SPEG: variants seen among roughly 807,000 people sequenced by gnomAD.
SPEG encodes striated muscle enriched protein kinase.
In SPEG, 114 loss-of-function variants were observed where a neutral mutation model predicts 300.4. The observed-to-expected ratio is 0.38, with a 90% CI of 0.33 to 0.44. SPEG has a LOEUF of 0.44. Ranked by LOEUF, SPEG falls within the 20% of genes least tolerant of loss-of-function variation. The pLI, the probability that SPEG is intolerant of heterozygous loss-of-function variation, is 1.00. For missense variants in SPEG, 4,201 were observed against 4,586.2 expected, an observed-to-expected ratio of 0.92 and a Z score of 2.43; for synonymous variants, 1,964 against 2,018.9, an observed-to-expected ratio of 0.97 and a Z score of 0.73.
chr2:219,489,025 C>T, intron 34 of SPEG, 29 bp from the exon 35 acceptor site: 1 of 1,611,732 alleles, frequency 6.2e-7, no homozygotes, highest in African/African-American at 1.3e-5. Context: ...GCTTCTGTGA[C>T]CTCAGCCCCT....
Position 219,492,589 on chromosome 2 carries a change from G to A in SPEG, c.9612-5G>A. 2 of 1,607,228 alleles carry A rather than the reference G, an allele frequency of 1.2e-6. No individual in the cohort carries two copies. Among genetic ancestry groups the A allele is most frequent in the Non-Finnish European group, 1.7e-6 (2 of 1,179,882 alleles). On this transcript the variant is annotated splice_polypyrimidine_tract_variant and splice_region_variant and intron_variant, in intron 40 of 40. Transcript: ENST00000312358. ...AGGTTCATCATCCCTGGCTCTGCCTGGCAGGAGCCGGCCCTCCCTGCAGGA... is the reference window on the plus strand; with the variant it reads ...AGGTTCATCATCCCTGGCTCTGCCTAGCAGGAGCCGGCCCTCCCTGCAGGA...
intron 31 of SPEG, 32 bp downstream of exon 31, chr2:219,485,509 C>T: frequency 1.3e-6 from 2 of 1,515,680 alleles, no homozygotes; most frequent in Non-Finnish European, 1.8e-6. Context: ...GAGGACCCTC[C>T]TCCCCTCCTG....
At chr2:219,490,301 A>T in intron 36 of SPEG, 108 bp from the exon 37 acceptor site, 2 of 1,441,150 alleles carry the variant, frequency 1.4e-6, no homozygotes, top group Non-Finnish European at 1.9e-6. Flanking sequence ...CACTGGAACC[A>T]CTGCATTCTT....
At chr2:219,440,111 G>C (rs1575031677) in intron 1 of SPEG, among the ~76,000 whole-genome samples, 1 of 152,220 alleles carries the variant, frequency 6.6e-6, no homozygotes, top group South Asian at 2.1e-4. Flanking sequence ...AGCCAGGTGC[G>C]GTGGCTCATG....
rs753305758 is a variant in SPEG, at chr2:219,490,489, C to T, written c.9002C>T (p.Ala3001Val). ...GTGGCCAAGATCGTGCCCTATGCTG[C>T]CGAGGGCAAGCGGCGGGTCCTGCAG... ...TFVAKIVPYA[A>V]EGKRRVLQEY... The change falls in exon 37 of 41, where the codon GCC (alanine) becomes GTC (valine). Residue 3001 changes from alanine (A) to valine (V), a missense_variant. Ala to Val is a moderately conservative substitution (Grantham distance 64). Around this residue, in one of 4 missense-constraint regions of SPEG, gnomAD observed 318 missense variants for 429.5 expected, o/e 0.74. Transcript: ENST00000312358. 2.5e-6 allele frequency: 4 copies of T among 1,613,614 alleles called. No individual in the cohort carries two copies. In the South Asian group the frequency reaches 4.4e-5, roughly 18 times the overall value.
At chr2:219,492,034 C>T (rs1575207717) in intron 39 of SPEG, 77 bp from the exon 40 acceptor site, 2 of 1,512,798 alleles carry the variant, frequency 1.3e-6, no homozygotes, top group Non-Finnish European at 1.8e-6. Context: ...GCACTGTGCA[C>T]CTGACACTAA....
chr2:219,458,773 G>A lies in SPEG; in HGVS notation c.2441-3109G>A, dbSNP rs1474752386. On this transcript the variant is annotated intron_variant, in intron 6 of 40. Coordinates refer to ENST00000312358, the MANE Select transcript of SPEG (RefSeq NM_005876.5). The surrounding 1 kb of genome is among the most constrained non-coding windows in gnomAD (Gnocchi z 4.2). The stretch of plus-strand genomic sequence containing the variant: ...GCTTTCATGTGCCTAAGAGTCATCT[G>A]GGGTGCTTTTTAAAATGCAGTTTCC... Among the ~76,000 whole-genome samples the A allele has an allele frequency of 2.0e-5, 3 of 152,176 alleles. No individual in the cohort carries two copies. Among genetic ancestry groups the A allele is most frequent in the African/African-American group, 7.2e-5 (3 of 41,438 alleles).
chr2:219,488,999 G>A (rs1693711127), intron 34 of SPEG, 55 bp from the exon 35 acceptor site: 1 of 1,607,624 alleles, frequency 6.2e-7, no homozygotes, highest in Non-Finnish European at 8.5e-7. Flanking sequence ...ATAGCACCGT[G>A]GGAGCTGGGG....
At position 219,492,736 on chromosome 2, in the gene SPEG, G is replaced by A; in HGVS notation, c.9754G>A (p.Ala3252Thr). Reference sequence around the variant, plus strand: ...CGAGCAGCGGCGGCGCCGGGCTGAGGCTGCCACCCGCCACAAGGTGCTGCT... The same window carrying A: ...CGAGCAGCGGCGGCGCCGGGCTGAGACTGCCACCCGCCACAAGGTGCTGCT... ...LGEQRRRRAE[A>T]ATRHKVLLRS... Residue 3252 changes from alanine to threonine, a missense_variant, in exon 41 of 41, where the codon GCT becomes ACT. Ala to Thr is a moderately conservative substitution (Grantham distance 58). Transcript: ENST00000312358. 6.5e-7 allele frequency: 1 copy of A among 1,539,978 alleles called. No individual in the cohort carries two copies. Among genetic ancestry groups the A allele is most frequent in the Non-Finnish European group, 8.7e-7 (1 of 1,147,222 alleles).
At chr2:219,449,364 G>C in intron 4 of SPEG, 93 bp downstream of exon 4, 1 of 1,084,414 alleles carries the variant, frequency 9.2e-7, no homozygotes, top group Non-Finnish European at 1.2e-6. Context: ...CGGGGGGTCG[G>C]GGGTTTCGCC....
At chr2:219,442,193 C>A in intron 1 of SPEG, 1 of 691,998 alleles carries the variant, frequency 1.4e-6, no homozygotes, top group Non-Finnish European at 1.9e-6. Flanking sequence ...GCTGGATCGG[C>A]GCCTGCCCCA....
chr2:219,468,155 C>T (rs1490432983), intron 10 of SPEG, among the ~76,000 whole-genome samples: 1 of 152,214 alleles, frequency 6.6e-6, no homozygotes, highest in African/African-American at 2.4e-5. Context: ...GGCATCTGCT[C>T]TGGGTCTGGG....
chr2:219,469,398 C>A lies in SPEG; in HGVS notation c.3715+19C>A. The stretch of plus-strand genomic sequence containing the variant: ...ACACAGTGTACGTGTCTGGGAAGTT[C>A]CCCGGGAGTGTCCCCTGCAGCACCC... On this transcript the variant is annotated intron_variant, in intron 13 of 40. Coordinates refer to ENST00000312358, the MANE Select transcript of SPEG (RefSeq NM_005876.5). 1 of 1,595,286 alleles carries A rather than the reference C, an allele frequency of 6.3e-7. No homozygotes were observed. The highest frequency in any genetic ancestry group is 8.6e-7 in the Non-Finnish European group (1 of 1,166,412).
rs192417796 is a variant in SPEG, at chr2:219,477,570, G to T, written c.4730-119G>T. The T allele has an allele frequency of 1.1e-5, 15 of 1,355,906 alleles. No homozygotes were observed. The South Asian group carries it at 1.4e-4, about 13-fold the overall frequency. The allele number at this position is 1,355,906 out of a possible 1,614,324, so 84.0% of individuals were successfully genotyped here. A position where few individuals can be genotyped will look rare whatever the true frequency, so the allele number is the denominator to read the frequency against. On this transcript the variant is annotated intron_variant, in intron 20 of 40. Coordinates refer to ENST00000312358, the MANE Select transcript of SPEG (RefSeq NM_005876.5). The surrounding 1 kb of genome is among the most constrained non-coding windows in gnomAD (Gnocchi z 6.4). ...CACCACACCCCCAGCCCAGCACCCC[G>T]CCTTGAGCCCCCAACATTCTTGCAC... is the stretch of plus-strand genomic sequence containing the variant.
In SPEG at chr2:219,484,798, G is replaced by A. The variant is rs1021522102; in HGVS notation, c.7335G>A (p.Ala2445=). The A allele has an allele frequency of 2.0e-6, 3 of 1,475,000 alleles. No homozygotes were observed. The highest frequency in any genetic ancestry group is 1.5e-5 in the African/African-American group (1 of 67,766). The allele number at this position is 1,475,000 out of a possible 1,614,324, so 91.4% of individuals were successfully genotyped here. The part of the protein sequence containing the change: ...DGESSEGGSS[A]RGSPVLAMRR... Reference sequence around the variant, plus strand: ...AGAGCTCGGAGGGCGGGAGCTCGGCGCGGGGCTCCCCGGTGCTGGCGATGC... The same window carrying A: ...AGAGCTCGGAGGGCGGGAGCTCGGCACGGGGCTCCCCGGTGCTGGCGATGC... Residue 2445 remains alanine, a synonymous_variant, in exon 30 of 41, where the codon GCG becomes GCA. Coordinates refer to ENST00000312358, the MANE Select transcript of SPEG (RefSeq NM_005876.5).
Position 219,469,333 on chromosome 2 carries a change from C to G in SPEG, c.3669C>G (p.His1223Gln). ...CCTACCCCACCATCAGCTGGTTCCA[C>G]AATGGCCACCGCATCCAGAGCAGCG... ...GLPYPTISWFHNGHRIQSSDD... is the reference protein window; with the variant it reads ...GLPYPTISWFQNGHRIQSSDD... Residue 1223 changes from histidine to glutamine, a missense_variant, in exon 13 of 41, where the codon CAC becomes CAG. Coordinates refer to ENST00000312358, the MANE Select transcript of SPEG (RefSeq NM_005876.5). The G allele has an allele frequency of 6.2e-7, 1 of 1,613,926 alleles. No homozygotes were observed. The highest frequency in any genetic ancestry group is 1.1e-5 in the South Asian group (1 of 91,082).
intron 18 of SPEG, among the ~76,000 whole-genome samples, chr2:219,476,544 T>C (rs1353149236): frequency 6.6e-6 from 1 of 152,208 alleles, no homozygotes; most frequent in Non-Finnish European, 1.5e-5. Flanking sequence ...AAATCCAGAT[T>C]TCTTTTGTGT....
At position 219,435,205 on chromosome 2, in the gene SPEG, G is replaced by A; in HGVS notation, c.228G>A (p.Trp76Ter). Reference sequence around the variant, plus strand: ...GGACGCCCCAGCCCAGCCTCCGCTGGTTCCGGGATGGGCAGCTCCTGCCCG... The same window carrying A: ...GGACGCCCCAGCCCAGCCTCCGCTGATTCCGGGATGGGCAGCTCCTGCCCG... ...VSGTPQPSLRWFRDGQLLPAP... is the reference protein window; with the variant it reads ...VSGTPQPSLR Residue 76 changes from tryptophan (W) to a stop codon, truncating the protein, a stop_gained, in exon 1 of 41, where the codon TGG (tryptophan) becomes TGA (stop). Transcript: ENST00000312358. LOFTEE classifies it high-confidence loss of function. The A allele has an allele frequency of 6.7e-7, 1 of 1,483,042 alleles. No homozygotes were observed. The highest frequency in any genetic ancestry group is 8.9e-7 in the Non-Finnish European group (1 of 1,126,082). 91.9% of individuals were successfully genotyped at this position (1,483,042 alleles called of 1,614,324 possible).
At chr2:219,461,405 G>T (rs1200249282) in intron 6 of SPEG, 1 of 1,008,748 alleles carries the variant, frequency 9.9e-7, no homozygotes, top group Non-Finnish European at 1.2e-6. Flanking sequence ...GATGTGACTT[G>T]TCTGCGGTGT....
Sources: gnomAD v4.1 joint callset for allele counts (sites outside exome capture counted in the v4.1 genomes callset) on GRCh38, gnomAD v4.1.1 for gene constraint, gnomAD v4.1.1 regional missense constraint, Gnocchi (gnomAD v3.1) non-coding constraint, MANE v1.5 for transcripts, NCBI Gene and HGNC (gene_info 2026-07-23, HGNC 2026-07-21) for gene names.